TNS1: variants seen among roughly 807,000 people sequenced by gnomAD.
TNS1 encodes tensin 1, also known as tensin-1.
Under a neutral mutation model 168.6 loss-of-function variants are expected in TNS1, and 62 were observed. The observed-to-expected ratio is 0.37, with a 90% confidence interval of 0.30 to 0.45. The LOEUF (loss-of-function observed/expected upper bound fraction) is 0.45. Ranked by LOEUF, TNS1 falls within the 20% of genes least tolerant of loss-of-function variation. The pLI, the probability that TNS1 is intolerant of heterozygous loss-of-function variation, is 1.00. For synonymous variants in TNS1, 934 were observed against 933.2 expected, an observed-to-expected ratio of 1.00 and a Z score of -0.02; for missense variants, 2,240 against 2,339.4, an observed-to-expected ratio of 0.96 and a Z score of 0.88.
chr2:217,936,375 T>C (rs1305247476), intron 3 of TNS1, among the ~76,000 whole-genome samples: 1 of 152,106 alleles, frequency 6.6e-6, no homozygotes, highest in Non-Finnish European at 1.5e-5. Flanking sequence ...TTGCCAAGGA[T>C]GGCTCTCTCC....
At chr2:217,971,844 T>A (rs1237542627) in intron 3 of TNS1, among the ~76,000 whole-genome samples, 2 of 152,136 alleles carry the variant, frequency 1.3e-5, no homozygotes, top group Non-Finnish European at 2.9e-5. Flanking sequence ...CTGCTAGAGA[T>A]CTCAGGGGCC....
chr2:217,894,393 A>G (rs1440595507), intron 9 of TNS1, among the ~76,000 whole-genome samples: 1 of 152,240 alleles, frequency 6.6e-6, no homozygotes, highest in Non-Finnish European at 1.5e-5. Context: ...GCGCTGGCCC[A>G]TGCCTGTAAT....
intron 16 of TNS1, among the ~76,000 whole-genome samples, chr2:217,882,978 T>C (rs576991042): frequency 6.6e-6 from 1 of 152,274 alleles, no homozygotes; most frequent in East Asian, 1.9e-4. Flanking sequence ...GTATTTTTTA[T>C]AGCGACGGAG....
At chr2:217,984,714 A>G (rs1350278355) in intron 2 of TNS1, among the ~76,000 whole-genome samples, 2 of 148,268 alleles carry the variant, frequency 1.3e-5, no homozygotes, top group African/African-American at 5.0e-5. Context: ...GCTGGTATCG[A>G]ACTCCTGGGC....
In TNS1 at chr2:217,948,026, A is replaced by G. The variant is rs1464044094; in HGVS notation, c.187-27790T>C. On this transcript the variant is annotated intron_variant, in intron 3 of 32. Transcript: ENST00000682258. The surrounding 1 kb of genome is among the most constrained non-coding windows in gnomAD (Gnocchi z 4.1). ...GGCTAATGAAAGAGATAGAATTTCAATGCAGCTCTTCCAACTCAAGCCCAT... is the reference window on the plus strand; with the variant it reads ...GGCTAATGAAAGAGATAGAATTTCAGTGCAGCTCTTCCAACTCAAGCCCAT... Among the ~76,000 whole-genome samples the G allele has an allele frequency of 3.3e-5, 5 of 152,176 alleles. No individual in the cohort carries two copies. Among genetic ancestry groups the G allele is most frequent in the African/African-American group, 4.8e-5 (2 of 41,436 alleles).
At position 217,893,027 on chromosome 2, in the gene TNS1, A is replaced by T. The variant is rs1951895416; in HGVS notation, c.718-15T>A. On this transcript the variant is annotated splice_polypyrimidine_tract_variant and intron_variant, in intron 10 of 32. Transcript: ENST00000682258. Reference sequence around the variant, plus strand: ...CCTCGGTTTCCCTGAAAGAGCCCCAAACACAAAATCATTTATTTCTAAGGC... The same window carrying T: ...CCTCGGTTTCCCTGAAAGAGCCCCATACACAAAATCATTTATTTCTAAGGC... The T allele has an allele frequency of 6.2e-7, 1 of 1,613,918 alleles. No homozygotes were observed. Among genetic ancestry groups the T allele is most frequent in the Non-Finnish European group, 8.5e-7 (1 of 1,179,934 alleles).
At chr2:217,964,879 C>T (rs1034802777) in intron 3 of TNS1, among the ~76,000 whole-genome samples, 4 of 152,228 alleles carry the variant, frequency 2.6e-5, no homozygotes, top group Admixed American at 2.6e-4. Flanking sequence ...CACCCCTCTC[C>T]TCCTAACGGC....
intron 3 of TNS1, among the ~76,000 whole-genome samples, chr2:217,950,194 C>T (rs376380782): frequency 1.1e-4 from 17 of 152,100 alleles, no homozygotes; most frequent in Non-Finnish European, 2.1e-4. Context: ...TTAAAGAAAC[C>T]GAGCCCAATT....
At chr2:217,928,267 C>T (rs1956139750) in intron 3 of TNS1, among the ~76,000 whole-genome samples, 1 of 152,224 alleles carries the variant, frequency 6.6e-6, no homozygotes, top group Non-Finnish European at 1.5e-5. Flanking sequence ...AAGACACTGG[C>T]CTCCCAGGCT....
chr2:217,899,599 C>A (rs1952711482), intron 7 of TNS1, among the ~76,000 whole-genome samples: 1 of 152,214 alleles, frequency 6.6e-6, no homozygotes, highest in Non-Finnish European at 1.5e-5. Context: ...TCTCCCTCAG[C>A]ACAGGAAGGG....
intron 3 of TNS1, among the ~76,000 whole-genome samples, chr2:217,963,322 G>A (rs1474959189): frequency 6.6e-6 from 1 of 152,200 alleles, no homozygotes; most frequent in Non-Finnish European, 1.5e-5. Context: ...GTCATCACCT[G>A]GAGAGAGCCA....
At chr2:217,971,892 GC>G (rs910360942) in intron 3 of TNS1, among the ~76,000 whole-genome samples, 46 of 152,254 alleles carry the variant, frequency 3.0e-4, no homozygotes, top group African/African-American at 9.6e-4. Flanking sequence ...TATCATATTT[GC>G]CTATAGAATT....
Position 217,813,226 on chromosome 2 carries a change from T to C in TNS1, c.4943A>G (p.Glu1648Gly). 6.2e-7 allele frequency: 1 copy of C among 1,603,176 alleles called. No individual in the cohort carries two copies. Among genetic ancestry groups the C allele is most frequent in the Non-Finnish European group, 8.5e-7 (1 of 1,174,208 alleles). Reference protein sequence around the residue: ...RGVKLKGCPNEPNFGSLSALV... With the variant: ...RGVKLKGCPNGPNFGSLSALV... Reference sequence around the variant, plus strand: ...GGGGGACAGCTCACCGAAGTTTGGCTCATTGGGGCAGCCCTTGAGCTTGAC... The same window carrying C: ...GGGGGACAGCTCACCGAAGTTTGGCCCATTGGGGCAGCCCTTGAGCTTGAC... The change falls in exon 27 of 33, where the codon GAG (glutamate) becomes GGG (glycine). Residue 1648 changes from glutamate to glycine, a missense_variant. This residue lies in a region of TNS1 where 2,131 missense variants were observed against 2,171.2 expected (regional missense o/e 0.98). Transcript: ENST00000682258. The surrounding 1 kb of genome is among the most constrained non-coding windows in gnomAD (Gnocchi z 4.0).
chr2:217,941,553 G>A (rs368018205), intron 3 of TNS1, among the ~76,000 whole-genome samples: 2 of 152,256 alleles, frequency 1.3e-5, no homozygotes, highest in Admixed American at 6.5e-5. Context: ...CCCTGCGAGT[G>A]GTCTGCGCCC....
At chr2:217,821,553 A>G (rs1407191469) in intron 23 of TNS1, among the ~76,000 whole-genome samples, 187 bp downstream of exon 23, 1 of 152,178 alleles carries the variant, frequency 6.6e-6, no homozygotes, top group Non-Finnish European at 1.5e-5. Flanking sequence ...TGGGCTCCCC[A>G]CAGGATTCAG....
chr2:217,831,971 A>ACACACAC (rs71057582), intron 21 of TNS1, among the ~76,000 whole-genome samples: 1 of 151,824 alleles, frequency 6.6e-6, no homozygotes, highest in Non-Finnish European at 1.5e-5. Flanking sequence ...ACACACACAC[A>ACACACAC]GACACACACA....
chr2:217,958,954 C>T (rs981744443), intron 3 of TNS1, among the ~76,000 whole-genome samples: 1 of 152,230 alleles, frequency 6.6e-6, no homozygotes, highest in African/African-American at 2.4e-5. Context: ...GTTTTCATGG[C>T]AGCCCAGGCC....
At chr2:217,963,526 TG>T (rs941437077) in intron 3 of TNS1, among the ~76,000 whole-genome samples, 21 of 151,990 alleles carry the variant, frequency 1.4e-4, no homozygotes, top group Admixed American at 1.2e-3. Context: ...CTTGAGAAAA[TG>T]GCCCAAGGCT....
rs1477388783 is a variant in TNS1, at chr2:217,802,151, A to G, written c.*2308T>C. ...TATTTACAAAGGAAGGGGATGGGAA[A>G]TATCTCCTATCTTGGAAGATAATTG... is the stretch of plus-strand genomic sequence containing the variant. On this transcript the variant is annotated 3_prime_UTR_variant, in exon 33 of 33. Coordinates refer to ENST00000682258, the MANE Select transcript of TNS1 (RefSeq NM_001387777.1). The G allele has an allele frequency of 1.3e-5, 2 of 152,208 alleles. No homozygotes were observed. The highest frequency in any genetic ancestry group is 1.3e-4 in the Admixed American group (2 of 15,290). 9.4% of individuals were successfully genotyped at this position (152,208 alleles called of 1,614,324 possible). A position where few individuals can be genotyped will look rare whatever the true frequency, so the allele number is the denominator to read the frequency against.
Sources: gnomAD v4.1 joint callset for allele counts (sites outside exome capture counted in the v4.1 genomes callset) on GRCh38, gnomAD v4.1.1 for gene constraint, gnomAD v4.1.1 regional missense constraint, Gnocchi (gnomAD v3.1) non-coding constraint, MANE v1.5 for transcripts, NCBI Gene and HGNC (gene_info 2026-07-23, HGNC 2026-07-21) for gene names.